Variants in TAS2R30 observed in about 807,000 individuals in gnomAD.
The protein encoded by TAS2R30 is taste 2 receptor member 30, also known as taste receptor type 2 member 30.
For missense variants in TAS2R30, 395 were observed against 371.6 expected (o/e 1.06, Z -0.52); for synonymous variants, 141 against 131.6 (o/e 1.07, Z -0.49).
At chr12:11,133,435 G>A (rs1307949325) in exon 1 of TAS2R30, 1 of 1,613,986 alleles carries the variant, frequency 6.2e-7, no homozygotes, top group Non-Finnish European at 8.5e-7. Context: ...TTGAAGGATA[G>A]CTGAATATAA....
chr12:11,133,210 T>C, exon 1 of TAS2R30: 1 of 1,516,812 alleles, frequency 6.6e-7, no homozygotes, highest in Non-Finnish European at 8.8e-7. Context: ...CATGTGGAAA[T>C]TATTCATATA....
Position 11,133,253 on chromosome 12 carries a change from A to C in TAS2R30, c.*32T>G, listed in dbSNP as rs532995369. ...TACAGAAAACCCAGTAAGAAATATA[A>C]AATGTTTCATACACCACCAGTTTGT... On this transcript the variant is annotated 3_prime_UTR_variant, in exon 1 of 1. Transcript: ENST00000539585. 5.8e-6 allele frequency: 9 copies of C among 1,554,836 alleles called. No homozygotes were observed. In the African/African-American group the frequency reaches 1.2e-4, roughly 21 times the overall value.
exon 1 of TAS2R30, chr12:11,133,788 C>G (rs369357073): frequency 9.9e-6 from 16 of 1,614,182 alleles, no homozygotes; most frequent in Non-Finnish European, 1.4e-5. Context: ...TTTGTCCATA[C>G]AGTCTCATCC....
chr12:11,133,680 T>A, exon 1 of TAS2R30: 1 of 1,614,204 alleles, frequency 6.2e-7, no homozygotes, highest in Non-Finnish European at 8.5e-7. Context: ...AGGGTCAGAG[T>A]GAGGGGTACA....
chr12:11,134,199 T>A lies in TAS2R30; in HGVS notation c.46A>T (p.Ile16Leu), dbSNP rs200077603. Residue 16 changes from isoleucine to leucine, a missense_variant, in exon 1 of 1, where the codon ATA (isoleucine) becomes TTA (leucine). Physicochemically the swap from Ile to Leu is conservative, Grantham distance 5. Coordinates refer to ENST00000539585, the Ensembl canonical transcript of TAS2R30. ...TTAGCAAAATTTCCAATAACAAATATAACCACTATTAGAATGGAAAAAATG... is the reference window on the plus strand; with the variant it reads ...TTAGCAAAATTTCCAATAACAAATAAAACCACTATTAGAATGGAAAAAATG... 49 of 1,613,426 alleles carry A rather than the reference T, an allele frequency of 3.0e-5. No individual in the cohort carries two copies. The African/African-American group carries it at 5.3e-4, about 18-fold the overall frequency.
Position 11,134,328 on chromosome 12 carries a change from T to C in TAS2R30, c.-84A>G. 7.9e-7 allele frequency: 1 copy of C among 1,263,618 alleles called. No homozygotes were observed. The highest frequency in any genetic ancestry group is 2.5e-5 in the East Asian group (1 of 39,702). 78.3% of individuals were successfully genotyped at this position (1,263,618 alleles called of 1,614,324 possible). The stretch of plus-strand genomic sequence containing the variant: ...GCTTGAATATCCTGACCTTAAATTC[T>C]ATATGCACCTGATTTGTGTATGTGC... On this transcript the variant is annotated 5_prime_UTR_variant, in exon 1 of 1. The change creates a new upstream start codon in the 5' untranslated region. Transcript: ENST00000539585.
At position 11,133,344 on chromosome 12, in the gene TAS2R30, C is replaced by G. The variant is rs566536126; in HGVS notation, c.901G>C (p.Val301Leu). ...TGGAGACGAAGGCTTCTGTCTTTCA[C>G]CCAGTACCTCACATGCCGCAAAACT... The change falls in exon 1 of 1, where the codon GTG becomes CTG. Residue 301 changes from valine (V) to leucine (L), a missense_variant. Physicochemically the swap from Val to Leu is conservative, Grantham distance 32. Coordinates refer to ENST00000539585, the Ensembl canonical transcript of TAS2R30. The G allele has an allele frequency of 3.1e-6, 5 of 1,613,534 alleles. No homozygotes were observed. The South Asian group carries it at 4.4e-5, about 14-fold the overall frequency.
At chr12:11,133,766 C>A (rs781146450) in exon 1 of TAS2R30, 2 of 1,614,162 alleles carry the variant, frequency 1.2e-6, no homozygotes, top group Non-Finnish European at 1.7e-6. Flanking sequence ...AGTCACGTTT[C>A]CTTCATATTC....
exon 1 of TAS2R30, chr12:11,133,113 T>A: frequency 1.4e-6 from 1 of 714,056 alleles, no homozygotes; most frequent in Non-Finnish European, 1.9e-6. Flanking sequence ...TGTTCTTCAG[T>A]TTTTCATACA....
chr12:11,134,595 T>A (rs553752441), exon 1 of TAS2R30: 1 of 232,652 alleles, frequency 4.3e-6, no homozygotes. Flanking sequence ...TCACTTCCAG[T>A]GTTTGCAATT....
exon 1 of TAS2R30, chr12:11,133,112 G>GT: frequency 1.4e-6 from 1 of 709,780 alleles, no homozygotes; most frequent in Non-Finnish European, 1.9e-6. Flanking sequence ...ATGTTCTTCA[G>GT]TTTTTCATAC....
exon 1 of TAS2R30, chr12:11,133,223 T>C (rs1213621974): frequency 3.9e-6 from 6 of 1,534,130 alleles, no homozygotes; most frequent in African/African-American, 1.4e-5. Context: ...TTCATATACA[T>C]ATATTACAGA....
chr12:11,133,955 C>A, exon 1 of TAS2R30: 2 of 1,614,090 alleles, frequency 1.2e-6, no homozygotes, highest in Non-Finnish European at 1.7e-6. Context: ...AGTAGCAAGC[C>A]AGCTGCTGAA....
rs754965395 is a variant in TAS2R30 at position 11,133,331 on chromosome 12, C to T, written c.914G>A (p.Ser305Asn). The T allele has an allele frequency of 8.7e-5, 140 of 1,613,720 alleles. No homozygotes were observed. In the East Asian group the frequency reaches 2.3e-3, roughly 26 times the overall value. Residue 305 changes from serine to asparagine, a missense_variant, in exon 1 of 1, where the codon AGC (serine) becomes AAC (asparagine). Ser to Asn is a conservative substitution (Grantham distance 46, BLOSUM62 1). Transcript: ENST00000539585. ...TCTTGTGAATCTATGGAGACGAAGG[C>T]TTCTGTCTTTCACCCAGTACCTCAC...
At chr12:11,133,123 AC>A in exon 1 of TAS2R30, 1 of 762,028 alleles carries the variant, frequency 1.3e-6, no homozygotes, top group Non-Finnish European at 1.9e-6. Context: ...TTTTTCATAC[AC>A]ACACACACAC....
At chr12:11,134,150 G>C in exon 1 of TAS2R30, 1 of 1,614,004 alleles carries the variant, frequency 6.2e-7, no homozygotes, top group Non-Finnish European at 8.5e-7. Flanking sequence ...CCACTCAATG[G>C]AATTTACCAA....
rs76746545 is a variant in TAS2R30 at position 11,133,120 on chromosome 12, T to C, written c.*165A>G. The stretch of plus-strand genomic sequence containing the variant: ...ATTGTCAATGTTCTTCAGTTTTTCA[T>C]ACACACACACACACACACACACATC... On this transcript the variant is annotated 3_prime_UTR_variant, in exon 1 of 1. Transcript: ENST00000539585. The C allele has an allele frequency of 4.6e-5, 23 of 497,298 alleles. No individual in the cohort carries two copies. In the Admixed American group the frequency reaches 6.3e-4, roughly 14 times the overall value. 30.8% of individuals were successfully genotyped at this position (497,298 alleles called of 1,614,324 possible).
chr12:11,133,386 T>G, exon 1 of TAS2R30: 1 of 1,613,940 alleles, frequency 6.2e-7, no homozygotes, highest in Non-Finnish European at 8.5e-7. Context: ...AAAATCTGCT[T>G]TAGCTTCTTG....
chr12:11,134,115 C>A, exon 1 of TAS2R30: 1 of 1,614,102 alleles, frequency 6.2e-7, no homozygotes, highest in South Asian at 1.1e-5. Flanking sequence ...ATTTGGTCAA[C>A]AAAGGAGATC....
Sources: gnomAD v4.1 joint callset for allele counts on GRCh38, gnomAD v4.1.1 for gene constraint, MANE v1.5 for transcripts, NCBI Gene and HGNC (gene_info 2026-07-23, HGNC 2026-07-21) for gene names.